The following CFAP70 variants were observed in gnomAD, a reference collection of about 807,000 sequenced individuals.
CFAP70 encodes the protein cilia- and flagella-associated protein 70.
A neutral mutation model predicts 137.6 loss-of-function variants in CFAP70; 81 were observed. That is an observed-to-expected ratio of 0.59 (90% CI 0.49 to 0.71). The LOEUF is 0.71. CFAP70 is among the 30% of genes least tolerant of loss of function. The pLI is 0.00. For synonymous variants in CFAP70, 382 were observed against 423.6 expected, an observed-to-expected ratio of 0.90 and a Z score of 1.20; for missense variants, 976 against 1,226.7, an observed-to-expected ratio of 0.80 and a Z score of 3.05.
At chr10:73,353,159 G>T (rs752574493) in intron 3 of CFAP70, among the ~76,000 whole-genome samples, 1 of 152,138 alleles carries the variant, frequency 6.6e-6, no homozygotes, top group Non-Finnish European at 1.5e-5. Context: ...CTCTACCCAG[G>T]ATCTAGACAG....
Position 73,279,397 on chromosome 10 carries a change from G to A in CFAP70, c.2240-1060C>T, listed in dbSNP as rs570038049. ...AAATTAGCCGGGCCTGGTGGCGGGCGCCTGTAGTCCCAGCTACTCGGGAAG... is the reference window on the plus strand; with the variant it reads ...AAATTAGCCGGGCCTGGTGGCGGGCACCTGTAGTCCCAGCTACTCGGGAAG... On this transcript the variant is annotated intron_variant, in intron 19 of 26. Coordinates refer to ENST00000310715, the Ensembl canonical transcript of CFAP70. 1.8e-4 allele frequency among the ~76,000 whole-genome samples: 27 copies of A among 150,932 alleles called. No homozygotes were observed. The South Asian group carries it at 4.6e-3, about 26-fold the overall frequency.
intron 19 of CFAP70, among the ~76,000 whole-genome samples, chr10:73,281,786 T>C (rs2047273897): frequency 6.6e-6 from 1 of 152,162 alleles, no homozygotes; most frequent in South Asian, 2.1e-4. Context: ...ATGCAGTACA[T>C]ATACACCAAG....
chr10:73,340,255 G>T (rs2053127566), intron 6 of CFAP70, among the ~76,000 whole-genome samples: 1 of 152,176 alleles, frequency 6.6e-6, no homozygotes, highest in Non-Finnish European at 1.5e-5. Context: ...TCTACAGGCA[G>T]GGCATCCCAA....
chr10:73,320,822 AC>A (rs1459241355), intron 9 of CFAP70, among the ~76,000 whole-genome samples: 1 of 151,848 alleles, frequency 6.6e-6, no homozygotes, highest in Non-Finnish European at 1.5e-5. Flanking sequence ...ACACAACATC[AC>A]GCCCAGCAAA....
chr10:73,259,516 T>C (rs900014911), intron 25 of CFAP70, among the ~76,000 whole-genome samples: 2 of 152,068 alleles, frequency 1.3e-5, no homozygotes, highest in African/African-American at 4.8e-5. Context: ...CAGGCTGGAG[T>C]GCAGTGGCAC....
At chr10:73,318,103 C>T (rs894572451) in intron 9 of CFAP70, among the ~76,000 whole-genome samples, 1 of 152,164 alleles carries the variant, frequency 6.6e-6, no homozygotes, top group Non-Finnish European at 1.5e-5. Flanking sequence ...GATCATCTTT[C>T]ATGCATTCTT....
In CFAP70 at chr10:73,274,419, T is replaced by C. The variant is rs59726024; in HGVS notation, c.2835+14A>G. 0.083 allele frequency: 133,282 copies of C among 1,600,730 alleles called. 8,337 individuals are homozygous for C. Among genetic ancestry groups the C allele is most frequent in the East Asian group, 0.29 (12,774 of 44,252 alleles). Reference sequence around the variant, plus strand: ...CCCAGACCACGGGGTTATTCCCCATTCTCTACCCCTCACCTCTTTCTCTTC... The same window carrying C: ...CCCAGACCACGGGGTTATTCCCCATCCTCTACCCCTCACCTCTTTCTCTTC... On this transcript the variant is annotated intron_variant, in intron 23 of 26. Coordinates refer to ENST00000310715, the Ensembl canonical transcript of CFAP70.
intron 12 of CFAP70, among the ~76,000 whole-genome samples, chr10:73,302,882 TC>T (rs2049058501): frequency 1.5e-5 from 2 of 132,502 alleles, no homozygotes; most frequent in South Asian, 4.7e-4. Flanking sequence ...TCTTTTCTTT[TC>T]TTTTTTTTTT....
chr10:73,258,531 A>C (rs1363890585), intron 25 of CFAP70, among the ~76,000 whole-genome samples: 4 of 152,260 alleles, frequency 2.6e-5, no homozygotes, highest in Non-Finnish European at 5.9e-5. Flanking sequence ...GTGTTTGAAC[A>C]ATATGAAATC....
chr10:73,291,955 G>C, exon 17 of CFAP70: 1 of 1,614,178 alleles, frequency 6.2e-7, no homozygotes, highest in Non-Finnish European at 8.5e-7. Flanking sequence ...CTTCAGTTAG[G>C]AGGCAGAAGG....
At chr10:73,320,607 G>A (rs772208823) in intron 9 of CFAP70, among the ~76,000 whole-genome samples, 32 of 152,106 alleles carry the variant, frequency 2.1e-4, no homozygotes, top group Non-Finnish European at 4.0e-4. Context: ...GGGATTACAG[G>A]TGTGAGCCAC....
exon 11 of CFAP70, chr10:73,311,863 G>T: frequency 6.2e-7 from 1 of 1,613,868 alleles, no homozygotes. Flanking sequence ...CTTAGAGGGG[G>T]TTCACCTTCC....
intron 12 of CFAP70, among the ~76,000 whole-genome samples, chr10:73,302,825 C>T (rs75384326): frequency 0.045 from 6,806 of 151,758 alleles, 463 homozygotes; most frequent in African/African-American, 0.15. Flanking sequence ...CAGCCTGCAA[C>T]GAAAGGCAAA....
At chr10:73,298,647 T>A (rs866139132) in intron 14 of CFAP70, among the ~76,000 whole-genome samples, 1 of 152,134 alleles carries the variant, frequency 6.6e-6, no homozygotes, top group South Asian at 2.1e-4. Context: ...GACAATGAAA[T>A]CTGGTACAAA....
At chr10:73,268,696 T>A (rs1232900789) in intron 25 of CFAP70, among the ~76,000 whole-genome samples, 4 of 142,806 alleles carry the variant, frequency 2.8e-5, no homozygotes, top group African/African-American at 7.3e-5. Flanking sequence ...TTTTCTTCTT[T>A]TTTTTCTTTT....
intron 12 of CFAP70, among the ~76,000 whole-genome samples, chr10:73,307,198 C>T (rs2049453293): frequency 6.6e-6 from 1 of 151,154 alleles, no homozygotes; most frequent in Admixed American, 6.6e-5. Flanking sequence ...ACTAAGACAA[C>T]AACTAAAAAA....
intron 9 of CFAP70, 41 bp downstream of exon 10, chr10:73,322,922 G>A (rs768114679): frequency 9.1e-6 from 14 of 1,542,868 alleles, no homozygotes; most frequent in Non-Finnish European, 1.1e-5. Flanking sequence ...GATATATAAA[G>A]GATAAATTAC....
At chr10:73,360,970 C>G (rs1431713265), upstream of CFAP70, among the ~76,000 whole-genome samples, 2 of 151,802 alleles carry the variant, frequency 1.3e-5, no homozygotes, top group Admixed American at 6.6e-5. Flanking sequence ...CTTTAGGGTA[C>G]CTGAGAGCAA....
intron 12 of CFAP70, among the ~76,000 whole-genome samples, chr10:73,308,137 A>C (rs1304379916): frequency 6.6e-6 from 1 of 152,070 alleles, no homozygotes; most frequent in African/African-American, 2.4e-5. Context: ...CCTGGGTGAC[A>C]GAGCGAGACT....
Sources: allele counts gnomAD v4.1 joint callset (sites outside exome capture counted in the v4.1 genomes callset), GRCh38; gene constraint gnomAD v4.1.1; transcripts MANE v1.5; gene names NCBI Gene and HGNC (gene_info 2026-07-23, HGNC 2026-07-21).